MRFAP1L2: variants seen among roughly 807,000 people sequenced by gnomAD.
MRFAP1L2 encodes the protein Morf4 family associated protein 1 like 2, also known as MORF4 family-associated protein 1-like protein UPP.
At chr4:6,674,382 A>G in the MRFAP1L2 span, 4 of 648,746 alleles carry the variant, frequency 6.2e-6, no homozygotes, top group South Asian at 3.2e-5. Context: ...AGCCTGCTCG[A>G]CGCCATCAAG....
the MRFAP1L2 span, chr4:6,674,750 GA>G: frequency 2.0e-6 from 1 of 510,698 alleles, no homozygotes; most frequent in South Asian, 2.6e-5. Flanking sequence ...AAAGAGTCAT[GA>G]CCACTGGAAG....
the MRFAP1L2 span, chr4:6,674,437 C>A: frequency 1.5e-6 from 1 of 657,012 alleles, no homozygotes; most frequent in Admixed American, 2.3e-5. Flanking sequence ...CCCCAGCACC[C>A]CGCCCGCGTG....
At chr4:6,674,725 T>G in the MRFAP1L2 span, 1 of 523,410 alleles carries the variant, frequency 1.9e-6, no homozygotes, top group South Asian at 2.4e-5. Context: ...AGAAAATAAT[T>G]TGATATGTTG....
chr4:6,674,695 C>G, the MRFAP1L2 span: 1 of 524,992 alleles, frequency 1.9e-6, no homozygotes, highest in Non-Finnish European at 3.3e-6. Flanking sequence ...TGGTTTCATT[C>G]TTTTTTCATA....
the MRFAP1L2 span, chr4:6,674,143 C>G: frequency 2.6e-6 from 1 of 385,570 alleles, no homozygotes; most frequent in African/African-American, 2.1e-5. Context: ...TTGGTGACAG[C>G]GAGGCTTCCG....
the MRFAP1L2 span, chr4:6,675,563 G>A: frequency 6.6e-6 from 1 of 152,216 alleles, no homozygotes; most frequent in African/African-American, 2.4e-5. Flanking sequence ...ATCAAAGGAG[G>A]GAGAGCTGTT....
At chr4:6,675,634 C>T in the MRFAP1L2 span, 1 of 152,132 alleles carries the variant, frequency 6.6e-6, no homozygotes, top group Non-Finnish European at 1.5e-5. Context: ...TGTAATTTTC[C>T]TATGGCATGT....
chr4:6,675,776 C>G, the MRFAP1L2 span: 1 of 152,152 alleles, frequency 6.6e-6, no homozygotes, highest in South Asian at 2.1e-4. Flanking sequence ...TGCATGTGAC[C>G]TCTTCAGGGG....
the MRFAP1L2 span, chr4:6,674,612 G>A: frequency 5.1e-6 from 3 of 589,884 alleles, no homozygotes; most frequent in Non-Finnish European, 6.0e-6. Context: ...AGCGCGGCGG[G>A]GAGTGTCCCG....
chr4:6,674,168 G>T, the MRFAP1L2 span: 14 of 386,524 alleles, frequency 3.6e-5, no homozygotes, highest in African/African-American at 2.5e-4. Flanking sequence ...CGCTGCTGGT[G>T]AGCAGCCCCG....
the MRFAP1L2 span, chr4:6,674,271 T>C: frequency 2.0e-6 from 1 of 489,080 alleles, no homozygotes; most frequent in Non-Finnish European, 3.6e-6. Context: ...GGCAGCCCGC[T>C]GAGCCCCGCG....
At chr4:6,674,773 C>T in the MRFAP1L2 span, 6 of 494,710 alleles carry the variant, frequency 1.2e-5, no homozygotes, top group South Asian at 2.8e-5. Flanking sequence ...ATTTTCAGGA[C>T]GTAGACCTGG....
At chr4:6,674,609 C>T in the MRFAP1L2 span, 22 of 593,802 alleles carry the variant, frequency 3.7e-5, no homozygotes, top group Admixed American at 6.4e-4. Context: ...CGGAGCGCGG[C>T]GGGGAGTGTC....
At chr4:6,674,797 G>A in the MRFAP1L2 span, 74,921 of 474,584 alleles carry the variant, frequency 0.16, 6,255 homozygotes, top group African/African-American at 0.23. Context: ...GTCACTACGT[G>A]GGGGGAGAGA....
At chr4:6,674,406 C>T in the MRFAP1L2 span, 4 of 654,972 alleles carry the variant, frequency 6.1e-6, no homozygotes, top group African/African-American at 5.7e-5. Context: ...GAGGTGGAGG[C>T]AGAGGAGCGG....
At chr4:6,674,711 T>C in the MRFAP1L2 span, 3 of 523,218 alleles carry the variant, frequency 5.7e-6, no homozygotes, top group Non-Finnish European at 1.0e-5. Context: ...TCATAGGTAA[T>C]TAGAGAAAAT....
the MRFAP1L2 span, chr4:6,674,803 A>T: frequency 3.4e-4 from 156 of 464,228 alleles, 2 homozygotes; most frequent in African/African-American, 2.9e-3. Flanking sequence ...ACGTGGGGGG[A>T]GAGAGGTGTG....
chr4:6,674,585 G>C, the MRFAP1L2 span: 1 of 628,140 alleles, frequency 1.6e-6, no homozygotes, highest in South Asian at 1.7e-5. Flanking sequence ...CGGCGAGGCC[G>C]CGCGGGTCTG....
chr4:6,674,626 G>T, the MRFAP1L2 span: 1 of 574,756 alleles, frequency 1.7e-6, no homozygotes, highest in African/African-American at 2.0e-5. Context: ...TGTCCCGCGT[G>T]GAAGGCGCTG....
Sources: allele counts gnomAD v4.1 joint callset, GRCh38; gene constraint gnomAD v4.1.1; transcripts MANE v1.5; gene names NCBI Gene and HGNC (gene_info 2026-07-23, HGNC 2026-07-21).